Variants in SLC13A3 observed in about 807,000 individuals in gnomAD.
The protein encoded by SLC13A3 is solute carrier family 13 member 3.
In SLC13A3, 40 loss-of-function variants were observed where a neutral mutation model predicts 59.0. The ratio of observed to expected loss-of-function variants is 0.68; its 90% CI spans 0.53 to 0.88. The LOEUF is 0.88. Ranked by LOEUF, SLC13A3 falls within the 40% of genes least tolerant of loss-of-function variation. The probability of loss-of-function intolerance (pLI) is 0.00; values close to 1 mark genes in which losing one functional copy is unlikely to be tolerated. For missense variants in SLC13A3, 699 were observed against 783.2 expected, an observed-to-expected ratio of 0.89 and a Z score of 1.28; for synonymous variants, 317 against 330.3, an observed-to-expected ratio of 0.96 and a Z score of 0.44.
Position 46,600,010 on chromosome 20 carries a change from G to T in SLC13A3, c.569C>A (p.Thr190Asn). 6.3e-7 allele frequency: 1 copy of T among 1,590,158 alleles called. No homozygotes were observed. The highest frequency in any genetic ancestry group is 8.6e-7 in the Non-Finnish European group (1 of 1,163,114). The part of the protein sequence containing the change: ...TAAVRRNGLH[T>N]VPTEMQFLAS... ...GAGAAACTGCATCTCCGTGGGCACA[G>T]TGTGTAGGCCGTTTCTCCGCACAGC... Residue 190 changes from threonine (T) to asparagine (N), a missense_variant, in exon 4 of 13, where the codon ACT becomes AAT. Coordinates refer to ENST00000279027, the MANE Select transcript of SLC13A3 (RefSeq NM_022829.6).
At position 46,575,604 on chromosome 20, in the gene SLC13A3, C is replaced by T. The variant is rs1278808905; in HGVS notation, c.1301G>A (p.Gly434Glu). The T allele has an allele frequency of 1.2e-6, 2 of 1,606,442 alleles. No individual in the cohort carries two copies. The highest frequency in any genetic ancestry group is 2.2e-5 in the East Asian group (1 of 44,596). The change falls in exon 10 of 13, where the codon GGA (glycine) becomes GAA (glutamate). Residue 434 changes from glycine to glutamate, a missense_variant. By Grantham distance (98) the Gly-to-Glu change is moderately conservative. Transcript: ENST00000279027. Reference protein sequence around the residue: ...TVPWNIILLLGGGFAMAKGCE... With the variant: ...TVPWNIILLLEGGFAMAKGCE... The stretch of plus-strand genomic sequence containing the variant: ...GCCTTTGGCCATGGCGAAGCCCCCT[C>T]CCAGGAGAAGGATGATGTTCCAGGG...
chr20:46,563,392 G>A, intron 12 of SLC13A3, 22 bp downstream of exon 12: 1 of 1,609,216 alleles, frequency 6.2e-7, no homozygotes, highest in Middle Eastern at 1.7e-4. Flanking sequence ...CGGGGCCTCT[G>A]CTGGGAAATG....
At chr20:46,610,883 C>A (rs1380476496) in intron 2 of SLC13A3, among the ~76,000 whole-genome samples, 1 of 152,110 alleles carries the variant, frequency 6.6e-6, no homozygotes, top group South Asian at 2.1e-4. Context: ...CTCAATGATA[C>A]CCATTTCAGA....
chr20:46,558,410 C>T lies in SLC13A3; in HGVS notation c.*1612G>A, dbSNP rs1235423904. 6.6e-6 allele frequency: 1 copy of T among 152,248 alleles called. No homozygotes were observed. The highest frequency in any genetic ancestry group is 6.5e-5 in the Admixed American group (1 of 15,288). The allele number at this position is 152,248 out of a possible 1,614,324, so 9.4% of individuals were successfully genotyped here. On this transcript the variant is annotated 3_prime_UTR_variant, in exon 13 of 13. Transcript: ENST00000279027. The stretch of plus-strand genomic sequence containing the variant: ...CTCTCTTATGTTCAGAAAGGCAAAT[C>T]ATCTCCAGGTCCAAAGTTGATTAAC...
intron 1 of SLC13A3, among the ~76,000 whole-genome samples, chr20:46,626,252 T>C (rs750578611): frequency 6.9e-6 from 1 of 145,228 alleles, no homozygotes; most frequent in Non-Finnish European, 1.5e-5. Flanking sequence ...TTCCTTCCTC[T>C]CTCTCCTCCC....
chr20:46,563,282 T>C (rs534662047), intron 12 of SLC13A3, 132 bp downstream of exon 12: 1 of 1,036,046 alleles, frequency 9.7e-7, no homozygotes. Context: ...ATGTTCCTGG[T>C]CCCACTCAGA....
At chr20:46,681,009 G>A (rs201795687) in intron 1 of SLC13A3, among the ~76,000 whole-genome samples, 1 of 152,240 alleles carries the variant, frequency 6.6e-6, no homozygotes, top group East Asian at 1.9e-4. Context: ...TGGGAAGCCA[G>A]CACATTTGTG....
In SLC13A3 at chr20:46,606,883, C is replaced by T. The variant is rs186926753; in HGVS notation, c.541+3563G>A. 1.8e-3 allele frequency among the ~76,000 whole-genome samples: 269 copies of T among 152,352 alleles called. 2 individuals carry two copies. The highest frequency in any genetic ancestry group is 3.4e-3 in the Non-Finnish European group (233 of 68,042). On this transcript the variant is annotated intron_variant, in intron 3 of 12. Coordinates refer to ENST00000279027, the MANE Select transcript of SLC13A3 (RefSeq NM_022829.6). ...CAGGGGGACATTGGCGAAGCCATCACTCACATGGCCCCTGGGTCCCCCAGG... is the reference window on the plus strand; with the variant it reads ...CAGGGGGACATTGGCGAAGCCATCATTCACATGGCCCCTGGGTCCCCCAGG...
In SLC13A3 at chr20:46,610,519, A is replaced by G. The variant is rs1487881762; in HGVS notation, c.468T>C (p.Asn156=). The G allele has an allele frequency of 9.3e-6, 15 of 1,614,114 alleles. No homozygotes were observed. The highest frequency in any genetic ancestry group is 1.3e-5 in the Non-Finnish European group (15 of 1,180,018). The change falls in exon 3 of 13, where the codon AAT becomes AAC. Residue 156 remains asparagine (N), a synonymous_variant. Transcript: ENST00000279027. ...GGCCAAAGAGACTTTTCAGGATGGCATTGGCAATGGGAAGCATCATGGCAG... is the reference window on the plus strand; with the variant it reads ...GGCCAAAGAGACTTTTCAGGATGGCGTTGGCAATGGGAAGCATCATGGCAG... ...ASTAMMLPIA[N]AILKSLFGQK...
chr20:46,659,576 G>A (rs912836272), intron 1 of SLC13A3, among the ~76,000 whole-genome samples: 1 of 151,864 alleles, frequency 6.6e-6, no homozygotes, highest in Admixed American at 6.6e-5. Flanking sequence ...TTAGCTGAGC[G>A]TAGTTGCAGG....
At chr20:46,565,313 T>A (rs2061970017) in intron 11 of SLC13A3, among the ~76,000 whole-genome samples, 1 of 152,216 alleles carries the variant, frequency 6.6e-6, no homozygotes, top group African/African-American at 2.4e-5. Context: ...AGTGGCCATG[T>A]CTATTTTTCT....
At position 46,585,457 on chromosome 20, in the gene SLC13A3, A is replaced by G. The variant is rs116000817; in HGVS notation, c.1122-1788T>C. ...ACAAATAATATGTTGACGTGATCAC[A>G]TTTCTGTTAAAAAAATCTTCTTTTA... On this transcript the variant is annotated intron_variant, in intron 8 of 12. Coordinates refer to ENST00000279027, the MANE Select transcript of SLC13A3 (RefSeq NM_022829.6). The G allele has an allele frequency of 2.1e-3, 2,077 of 997,754 alleles. 36 individuals carry two copies. In the African/African-American group the frequency reaches 0.033, roughly 16 times the overall value. 61.8% of individuals were successfully genotyped at this position (997,754 alleles called of 1,614,324 possible). A position where few individuals can be genotyped will look rare whatever the true frequency, so the allele number is the denominator to read the frequency against.
chr20:46,569,512 C>T lies in SLC13A3; in HGVS notation c.1333-3122G>A, dbSNP rs552770311. Among the ~76,000 whole-genome samples, 249 of 152,298 alleles carry T rather than the reference C, an allele frequency of 1.6e-3. No homozygotes were observed. The East Asian group carries it at 0.044, about 27-fold the overall frequency. On this transcript the variant is annotated intron_variant, in intron 10 of 12. Transcript: ENST00000279027. ...AGGCAAGTCACTTAACCTCTCTGTG[C>T]TAAAATTTCCTTATCTGTAAACGAG...
intron 3 of SLC13A3, among the ~76,000 whole-genome samples, chr20:46,609,591 C>T (rs1209230636): frequency 1.3e-5 from 2 of 152,104 alleles, no homozygotes; most frequent in Admixed American, 1.3e-4. Context: ...AATCTTTTGT[C>T]GTTCATGTGT....
chr20:46,628,952 G>A (rs893011026), intron 1 of SLC13A3, among the ~76,000 whole-genome samples: 1 of 152,212 alleles, frequency 6.6e-6, no homozygotes, highest in Admixed American at 6.5e-5. Flanking sequence ...TGAACACACT[G>A]AGCCTAAATT....
upstream of SLC13A3, among the ~76,000 whole-genome samples, chr20:46,672,409 C>A: frequency 6.6e-6 from 1 of 152,184 alleles, no homozygotes; most frequent in Non-Finnish European, 1.5e-5. Flanking sequence ...ATTCAGCAAA[C>A]ATTTACTGAA....
At chr20:46,655,257 ATATACACATATG>A (rs2062976579), upstream of SLC13A3, among the ~76,000 whole-genome samples, 1 of 150,966 alleles carries the variant, frequency 6.6e-6, no homozygotes, top group Non-Finnish European at 1.5e-5. Flanking sequence ...ATACACACGT[ATATACACATATG>A]TATACACATA....
chr20:46,596,575 T>C (rs1370139735), intron 4 of SLC13A3, among the ~76,000 whole-genome samples: 2 of 152,160 alleles, frequency 1.3e-5, no homozygotes, highest in African/African-American at 4.8e-5. Flanking sequence ...CCATTAAATA[T>C]AATTTAAATG....
chr20:46,653,432 C>T (rs2062965712), upstream of SLC13A3, among the ~76,000 whole-genome samples: 1 of 152,096 alleles, frequency 6.6e-6, no homozygotes, highest in Non-Finnish European at 1.5e-5. Flanking sequence ...AGTAAAGCCC[C>T]TTCCTCATCC....
Sources: gnomAD v4.1 joint callset for allele counts (sites outside exome capture counted in the v4.1 genomes callset) on GRCh38, gnomAD v4.1.1 for gene constraint, MANE v1.5 for transcripts, NCBI Gene and HGNC (gene_info 2026-07-23, HGNC 2026-07-21) for gene names.